The following SLC25A26 variants were observed in gnomAD, a reference collection of about 807,000 sequenced individuals.
SLC25A26 encodes the protein solute carrier family 25 member 26.
SLC25A26 carries 36 observed loss-of-function variants against 37.8 expected under a neutral mutation model. The observed-to-expected ratio is 0.95, with a 90% CI of 0.73 to 1.26. The LOEUF (loss-of-function observed/expected upper bound fraction) is 1.26. Ranked by LOEUF, SLC25A26 falls within the 50% of genes most tolerant of loss-of-function variation. The pLI, the probability that SLC25A26 is intolerant of heterozygous loss-of-function variation, is 0.00. For synonymous variants in SLC25A26, 129 were observed against 122.5 expected, an observed-to-expected ratio of 1.05 and a Z score of -0.35; for missense variants, 390 against 331.1, an observed-to-expected ratio of 1.18 and a Z score of -1.38.
intron 9 of SLC25A26, among the ~76,000 whole-genome samples, chr3:66,375,470 A>AGGACTGGCTGACTCTCTTGTTGG (rs1700592657): frequency 1.3e-5 from 2 of 152,184 alleles, no homozygotes; most frequent in Non-Finnish European, 2.9e-5. Context: ...AAAGCTTCAA[A>AGGACTGGCTGACTCTCTTGTTGG]GGACTGGCTG....
rs1348533205 is a variant in SLC25A26 at position 66,321,149 on chromosome 3, G to A, written c.454-25215G>A. Among the ~76,000 whole-genome samples the A allele has an allele frequency of 3.3e-5, 5 of 152,188 alleles. No individual in the cohort carries two copies. In the East Asian group the frequency reaches 7.7e-4, roughly 23 times the overall value. On this transcript the variant is annotated intron_variant, in intron 5 of 9. Transcript: ENST00000354883. Reference sequence around the variant, plus strand: ...TAGTGTTACAGTGAAAAGACCAAGAGCATTATTAGCATAACCTGGGAACTT... The same window carrying A: ...TAGTGTTACAGTGAAAAGACCAAGAACATTATTAGCATAACCTGGGAACTT...
chr3:66,342,540 C>T (rs74371711), intron 5 of SLC25A26, among the ~76,000 whole-genome samples: 2,131 of 152,174 alleles, frequency 0.014, 63 homozygotes, highest in African/African-American at 0.049. Flanking sequence ...ATTGAAGGAC[C>T]ATTAGGTTAC....
chr3:66,376,498 A>T (rs1700655671), intron 9 of SLC25A26, among the ~76,000 whole-genome samples: 1 of 152,232 alleles, frequency 6.6e-6, no homozygotes, highest in Non-Finnish European at 1.5e-5. Flanking sequence ...ATCAGCCAGA[A>T]GATTACAATT....
intron 5 of SLC25A26, among the ~76,000 whole-genome samples, chr3:66,283,999 C>T (rs1403702613): frequency 1.3e-5 from 2 of 152,070 alleles, no homozygotes; most frequent in African/African-American, 4.8e-5. Flanking sequence ...TTATCTGTGT[C>T]TTCACTTTTT....
Position 66,164,643 on chromosome 3 carries a change from T to C in SLC25A26, c.-354+30659T>C. Among the ~76,000 whole-genome samples the C allele has an allele frequency of 1.3e-5, 2 of 152,190 alleles. 1 individual carries two copies. ...TCTGTAAAGGGCCACATAGCAAATA[T>C]TTTAGGCCTTGTATGTAATATATGA... On this transcript the variant is annotated intron_variant, in intron 1 of 10. Coordinates refer to the SLC25A26 transcript ENST00000676754.
Position 66,243,195 on chromosome 3 carries a change from A to G in SLC25A26, c.191-8A>G. On this transcript the variant is annotated splice_polypyrimidine_tract_variant and splice_region_variant and intron_variant, in intron 2 of 9. Transcript: ENST00000354883. ...CTTTGTGAAAGACTGGCTTGTTTTA[A>G]ATTTCAGCTGCTGCATTTTTTATCA... 6.6e-7 allele frequency: 1 copy of G among 1,517,026 alleles called. No individual in the cohort carries two copies. Among genetic ancestry groups the G allele is most frequent in the Non-Finnish European group, 9.1e-7 (1 of 1,100,124 alleles). 94.0% of individuals were successfully genotyped at this position (1,517,026 alleles called of 1,614,324 possible).
chr3:66,190,660 C>G (rs1254233175), intron 1 of SLC25A26, among the ~76,000 whole-genome samples: 12 of 152,066 alleles, frequency 7.9e-5, no homozygotes, highest in Non-Finnish European at 1.5e-4. Context: ...AACTCCTGGC[C>G]TCAGGTGATT....
intron 1 of SLC25A26, among the ~76,000 whole-genome samples, chr3:66,135,721 A>G (rs2069936770): frequency 6.6e-6 from 1 of 152,174 alleles, no homozygotes; most frequent in South Asian, 2.1e-4. Context: ...GTGAGCCCTG[A>G]TGGCACCACT....
chr3:66,184,591 A>C, intron 1 of SLC25A26, among the ~76,000 whole-genome samples: 1 of 152,286 alleles, frequency 6.6e-6, no homozygotes, highest in Non-Finnish European at 1.5e-5. Flanking sequence ...GACTCTGCTC[A>C]CCTTGAGTTT....
intron 5 of SLC25A26, among the ~76,000 whole-genome samples, chr3:66,291,228 G>A (rs1348225388): frequency 6.6e-6 from 1 of 152,052 alleles, no homozygotes; most frequent in Non-Finnish European, 1.5e-5. Flanking sequence ...TGTCTGGCTA[G>A]TGGTCTATTT....
intron 7 of SLC25A26, among the ~76,000 whole-genome samples, chr3:66,369,160 TATGTC>T (rs1700206083): frequency 6.6e-6 from 1 of 152,074 alleles, no homozygotes; most frequent in East Asian, 1.9e-4. Context: ...CACATACATG[TATGTC>T]ATGTGTACAC....
intron 7 of SLC25A26, among the ~76,000 whole-genome samples, chr3:66,367,707 C>CAGAGAGAGAGAG (rs71616221): frequency 7.3e-6 from 1 of 136,836 alleles, no homozygotes; most frequent in South Asian, 2.2e-4. Flanking sequence ...CAGACAGACA[C>CAGAGAGAGAGAG]AGAGAGAGAG....
chr3:66,155,661 A>C (rs986413858), intron 1 of SLC25A26, among the ~76,000 whole-genome samples: 1 of 152,254 alleles, frequency 6.6e-6, no homozygotes, highest in African/African-American at 2.4e-5. Flanking sequence ...ACTAATGTGA[A>C]TTGAAAGAAA....
intron 1 of SLC25A26, among the ~76,000 whole-genome samples, chr3:66,203,390 G>GA (rs1233292211): frequency 9.4e-4 from 132 of 140,264 alleles, no homozygotes; most frequent in Middle Eastern, 3.6e-3. Flanking sequence ...TCAAAAAAAG[G>GA]AAAAAAAAAA....
At chr3:66,306,768 G>A (rs1379706234) in intron 5 of SLC25A26, among the ~76,000 whole-genome samples, 1 of 152,086 alleles carries the variant, frequency 6.6e-6, no homozygotes, top group African/African-American at 2.4e-5. Context: ...TTGGTTTTCT[G>A]TTCCTGTGTT....
chr3:66,209,191 A>G (rs1220686474), intron 1 of SLC25A26, among the ~76,000 whole-genome samples: 1 of 125,468 alleles, frequency 8.0e-6, no homozygotes, highest in Non-Finnish European at 1.7e-5. Flanking sequence ...ATATATATAT[A>G]ACTTCTATAT....
chr3:66,221,112 C>T lies in SLC25A26; in HGVS notation c.18C>T (p.Phe6=), dbSNP rs2071468406. 3 of 1,530,208 alleles carry T rather than the reference C, an allele frequency of 2.0e-6. No individual in the cohort carries two copies. The highest frequency in any genetic ancestry group is 2.8e-5 in the African/African-American group (2 of 72,462). 94.8% of individuals were successfully genotyped at this position (1,530,208 alleles called of 1,614,324 possible). Residue 6 remains phenylalanine, a synonymous_variant, in exon 1 of 10, where the codon TTC becomes TTT. Coordinates refer to ENST00000354883, the MANE Select transcript of SLC25A26 (RefSeq NM_001379210.1). The part of the protein sequence containing the change: MDRPG[F]VAALVAGGVA... Reference sequence around the variant, plus strand: ...GAGCGACCATGGACCGGCCGGGGTTCGTGGCAGCGCTGGTGGTGAGTGCGG... The same window carrying T: ...GAGCGACCATGGACCGGCCGGGGTTTGTGGCAGCGCTGGTGGTGAGTGCGG...
At chr3:66,185,203 A>G (rs2070802761) in intron 1 of SLC25A26, among the ~76,000 whole-genome samples, 2 of 152,192 alleles carry the variant, frequency 1.3e-5, no homozygotes, top group Non-Finnish European at 2.9e-5. Context: ...GTGGAATCAT[A>G]CAGTATTTGT....
chr3:66,135,126 C>T (rs1000877883), intron 1 of SLC25A26, among the ~76,000 whole-genome samples: 13 of 152,076 alleles, frequency 8.5e-5, no homozygotes, highest in African/African-American at 2.4e-4. Context: ...CCACCATGCC[C>T]GGCCTGTCAA....
Sources: gnomAD v4.1 joint callset for allele counts (sites outside exome capture counted in the v4.1 genomes callset) on GRCh38, gnomAD v4.1.1 for gene constraint, MANE v1.5 for transcripts, NCBI Gene and HGNC (gene_info 2026-07-23, HGNC 2026-07-21) for gene names.